ANO4: variants seen among roughly 807,000 people sequenced by gnomAD.
The protein encoded by ANO4 is anoctamin 4, also known as anoctamin-4.
Under a neutral mutation model 141.9 loss-of-function variants are expected in ANO4, and 69 were observed. The ratio of observed to expected loss-of-function variants is 0.49; its 90% CI spans 0.40 to 0.59. The LOEUF (loss-of-function observed/expected upper bound fraction) is 0.59. Among genes scored for constraint, ANO4 ranks in the 20% least tolerant of loss-of-function variants. The pLI is 0.00. For synonymous variants in ANO4, 350 were observed against 394.3 expected (o/e 0.89, Z 1.33); for missense variants, 894 against 1,162.2 (o/e 0.77, Z 3.36).
intron 2 of ANO4, among the ~76,000 whole-genome samples, chr12:100,902,288 CATT>C (rs1565989905): frequency 6.6e-6 from 1 of 152,084 alleles, no homozygotes; most frequent in African/African-American, 2.4e-5. Flanking sequence ...AGACTGGAGT[CATT>C]ATATTATATT....
At chr12:100,764,381 G>GT (rs1256506918) in intron 3 of ANO4, among the ~76,000 whole-genome samples, 15 of 152,134 alleles carry the variant, frequency 9.9e-5, no homozygotes, top group African/African-American at 3.6e-4. Context: ...TCAGTAATGT[G>GT]TTTATGCCTC....
At chr12:100,786,234 G>A (rs530923765) in intron 3 of ANO4, among the ~76,000 whole-genome samples, 10 of 152,320 alleles carry the variant, frequency 6.6e-5, no homozygotes, top group South Asian at 6.2e-4. Flanking sequence ...AATTTAACCC[G>A]ACCAAGGGGA....
chr12:100,813,351 A>G (rs1164079737), intron 1 of ANO4, among the ~76,000 whole-genome samples: 1 of 152,202 alleles, frequency 6.6e-6, no homozygotes, highest in African/African-American at 2.4e-5. Flanking sequence ...CAGGGAACCC[A>G]AACACTTAGC....
At chr12:100,810,858 T>C (rs1235614931) in intron 1 of ANO4, among the ~76,000 whole-genome samples, 1 of 152,146 alleles carries the variant, frequency 6.6e-6, no homozygotes, top group Non-Finnish European at 1.5e-5. Flanking sequence ...TATCATGAAC[T>C]CTTGCAGGCT....
intron 8 of ANO4, among the ~76,000 whole-genome samples, chr12:100,999,698 G>A (rs1264076327): frequency 6.6e-6 from 1 of 151,998 alleles, no homozygotes; most frequent in Non-Finnish European, 1.5e-5. Context: ...AAAGAGAGAG[G>A]GAGAGAGGAA....
At chr12:101,083,519 T>G (rs2049365227) in intron 15 of ANO4, among the ~76,000 whole-genome samples, 159 bp from the exon 16 acceptor site, 1 of 152,212 alleles carries the variant, frequency 6.6e-6, no homozygotes, top group Non-Finnish European at 1.5e-5. Context: ...AGTGGCCAAT[T>G]TTCAAACATT....
chr12:100,958,808 C>T (rs756319208), intron 5 of ANO4, among the ~76,000 whole-genome samples: 10 of 152,082 alleles, frequency 6.6e-5, no homozygotes, highest in South Asian at 2.1e-4. Flanking sequence ...AGATTGCGCC[C>T]CTGCGATCCA....
intron 10 of ANO4, 23 bp downstream of exon 10, chr12:101,037,173 T>C: frequency 6.2e-7 from 1 of 1,609,128 alleles, no homozygotes; most frequent in Non-Finnish European, 8.5e-7. Flanking sequence ...CTTTAATCTT[T>C]ATCTTTCTTT....
intron 26 of ANO4, among the ~76,000 whole-genome samples, chr12:101,124,696 A>G (rs142594352): frequency 0.015 from 2,298 of 152,302 alleles, 53 homozygotes; most frequent in African/African-American, 0.053. Context: ...ATGGCTAGCC[A>G]GTTCTCCCAA....
chr12:100,778,136 G>C (rs565941033), intron 3 of ANO4, among the ~76,000 whole-genome samples: 1 of 152,164 alleles, frequency 6.6e-6, no homozygotes, highest in African/African-American at 2.4e-5. Flanking sequence ...AGCCAGGATG[G>C]TCTCGATCTC....
intron 2 of ANO4, among the ~76,000 whole-genome samples, chr12:100,919,670 CTGTGTGTG>C (rs63330161): frequency 3.6e-5 from 5 of 139,792 alleles, no homozygotes; most frequent in African/African-American, 8.3e-5. Context: ...GGACATGTCT[CTGTGTGTG>C]TGTGTGTGTG....
At chr12:100,823,105 A>G (rs562839447) in intron 1 of ANO4, among the ~76,000 whole-genome samples, 3 of 152,032 alleles carry the variant, frequency 2.0e-5, no homozygotes, top group Non-Finnish European at 2.9e-5. Flanking sequence ...TTATGCTGCA[A>G]CTGTACTTAG....
chr12:100,920,541 C>T lies in ANO4; in HGVS notation c.56-1685C>T, dbSNP rs558382400. Among the ~76,000 whole-genome samples the T allele has an allele frequency of 7.7e-5, 11 of 143,790 alleles. No individual in the cohort carries two copies. The East Asian group carries it at 2.2e-3, about 29-fold the overall frequency. The allele number at this position is 143,790 out of a possible 152,430, so 94.3% of individuals were successfully genotyped here. ...TCTTTACCCATTAGAAGTAACTGGC[C>T]ATGGAAGAAAAAAGCAAATAACCCA... On this transcript the variant is annotated intron_variant, in intron 2 of 27. Coordinates refer to ENST00000392977, the MANE Select transcript of ANO4 (RefSeq NM_001286615.2).
At chr12:100,735,352 G>A (rs1474267205) in intron 2 of ANO4, among the ~76,000 whole-genome samples, 2 of 150,342 alleles carry the variant, frequency 1.3e-5, no homozygotes, top group Admixed American at 1.3e-4. Context: ...AATTCTCGTG[G>A]AGAGCTCGCA....
intron 1 of ANO4, among the ~76,000 whole-genome samples, chr12:100,860,992 T>C (rs780461193): frequency 6.6e-6 from 1 of 152,166 alleles, no homozygotes; most frequent in Non-Finnish European, 1.5e-5. Flanking sequence ...GCAAGATTTA[T>C]TGTGAAGAGC....
At chr12:100,738,162 G>T (rs1365984783) in intron 2 of ANO4, among the ~76,000 whole-genome samples, 1 of 152,058 alleles carries the variant, frequency 6.6e-6, no homozygotes, top group Admixed American at 6.6e-5. Context: ...ACAATTTTGG[G>T]TTCAGTGGGA....
intron 14 of ANO4, among the ~76,000 whole-genome samples, chr12:101,070,344 G>A (rs1434415033): frequency 1.3e-5 from 2 of 152,116 alleles, no homozygotes; most frequent in Non-Finnish European, 2.9e-5. Context: ...GGATAGAATA[G>A]AGAGCCCCAA....
chr12:101,108,294 C>G (rs1306526208), intron 22 of ANO4, among the ~76,000 whole-genome samples: 1 of 152,146 alleles, frequency 6.6e-6, no homozygotes, highest in Non-Finnish European at 1.5e-5. Flanking sequence ...AGCACAAGCA[C>G]TAAGTGTGAA....
chr12:100,808,690 A>G (rs1286035468), intron 1 of ANO4, among the ~76,000 whole-genome samples: 2 of 152,200 alleles, frequency 1.3e-5, no homozygotes, highest in African/African-American at 4.8e-5. Context: ...AGGAGTGAAA[A>G]AGGAATGGAA....
Sources: gnomAD v4.1 joint callset for allele counts (sites outside exome capture counted in the v4.1 genomes callset) on GRCh38, gnomAD v4.1.1 for gene constraint, MANE v1.5 for transcripts, NCBI Gene and HGNC (gene_info 2026-07-23, HGNC 2026-07-21) for gene names.